RANGAP1: variants seen among roughly 807,000 people sequenced by gnomAD.
RANGAP1 encodes ran GTPase-activating protein 1.
A neutral mutation model predicts 63.5 loss-of-function variants in RANGAP1; 38 were observed. The observed-to-expected ratio is 0.60, with a 90% CI of 0.46 to 0.78. RANGAP1 has a LOEUF of 0.78. Ranked by LOEUF, RANGAP1 falls within the 30% of genes least tolerant of loss-of-function variation. RANGAP1 has a pLI of 0.00. For missense variants in RANGAP1, 630 were observed against 740.3 expected (o/e 0.85, Z 1.73); for synonymous variants, 329 against 310.5 (o/e 1.06, Z -0.63).
intron 2 of RANGAP1, chr22:41,277,614 C>T (rs745639699): frequency 2.8e-5 from 19 of 674,144 alleles, no homozygotes; most frequent in Non-Finnish European, 3.5e-5. Context: ...GACTTATAAC[C>T]TAGCAGGGGC....
At chr22:41,261,896 G>A (rs750393722) in intron 5 of RANGAP1, among the ~76,000 whole-genome samples, 3 of 152,204 alleles carry the variant, frequency 2.0e-5, no homozygotes, top group Non-Finnish European at 2.9e-5. Context: ...TCCAGGGGAA[G>A]GACTTCCTAG....
upstream of RANGAP1, among the ~76,000 whole-genome samples, chr22:41,290,895 C>T (rs969493357): frequency 1.3e-5 from 2 of 152,166 alleles, no homozygotes; most frequent in African/African-American, 2.4e-5. Flanking sequence ...AGGGAAATTC[C>T]CAACACCCAA....
chr22:41,281,422 A>G (rs1360614635), intron 1 of RANGAP1: 2 of 1,008,746 alleles, frequency 2.0e-6, no homozygotes, highest in East Asian at 2.1e-4. Context: ...TCAAGTCCCA[A>G]ACCAAAGGCT....
chr22:41,271,113 G>T (rs577082980), intron 3 of RANGAP1, among the ~76,000 whole-genome samples: 117 of 152,166 alleles, frequency 7.7e-4, no homozygotes, highest in African/African-American at 2.8e-3. Context: ...GCTTGGGTTG[G>T]GCACATTGGC....
chr22:41,251,184 G>A (rs2033421702), intron 12 of RANGAP1, 75 bp from the exon 13 acceptor site: 1 of 1,222,864 alleles, frequency 8.2e-7, no homozygotes, highest in South Asian at 1.3e-5. Flanking sequence ...CTAGCTAGGA[G>A]AGGCCTGGGC....
chr22:41,297,013 C>A, the RANGAP1 span, among the ~76,000 whole-genome samples: 1 of 152,140 alleles, frequency 6.6e-6, no homozygotes, highest in Non-Finnish European at 1.5e-5. Flanking sequence ...GAGTTCAAGG[C>A]CAACCTGGTA....
chr22:41,286,274 C>G (rs1190599670), upstream of RANGAP1: 1 of 152,290 alleles, frequency 6.6e-6, no homozygotes, highest in African/African-American at 2.4e-5. Context: ...GGCTTGCCCT[C>G]GCCCCGCTCG....
At chr22:41,251,249 C>T (rs1288378114) in intron 12 of RANGAP1, 140 bp from the exon 13 acceptor site, 6 of 620,590 alleles carry the variant, frequency 9.7e-6, no homozygotes, top group African/African-American at 1.8e-5. Flanking sequence ...CATGCTGTCC[C>T]TTCAGAGTCT....
the RANGAP1 span, chr22:41,301,389 G>C: frequency 7.2e-5 from 11 of 152,206 alleles, no homozygotes; most frequent in African/African-American, 2.7e-4. Flanking sequence ...AGCTTTCGAC[G>C]GGGAATGGGG....
At chr22:41,283,602 T>C (rs974515248) in intron 1 of RANGAP1, among the ~76,000 whole-genome samples, 2 of 152,092 alleles carry the variant, frequency 1.3e-5, no homozygotes, top group African/African-American at 4.8e-5. Flanking sequence ...ATATCAGGGA[T>C]TGGGCCATGC....
chr22:41,292,315 T>C, the RANGAP1 span, among the ~76,000 whole-genome samples: 1 of 151,862 alleles, frequency 6.6e-6, no homozygotes, highest in Non-Finnish European at 1.5e-5. Flanking sequence ...GCCTGGTTAA[T>C]TTTTGGTATT....
Position 41,256,113 on chromosome 22 carries a change from A to G in RANGAP1, c.989-8T>C. 1 of 1,614,032 alleles carries G rather than the reference A, an allele frequency of 6.2e-7. No individual in the cohort carries two copies. Among genetic ancestry groups the G allele is most frequent in the South Asian group, 1.1e-5 (1 of 91,078 alleles). The stretch of plus-strand genomic sequence containing the variant: ...CTTCTCCCAGGGTGTTGCCTGCTCA[A>G]GGGGAGGGAAGAGCAGTCAGCCGGG... On this transcript the variant is annotated splice_polypyrimidine_tract_variant and splice_region_variant and intron_variant, in intron 9 of 15. Coordinates refer to ENST00000356244, the MANE Select transcript of RANGAP1 (RefSeq NM_002883.4).
intron 4 of RANGAP1, among the ~76,000 whole-genome samples, chr22:41,266,217 G>T (rs1381622372): frequency 1.5e-5 from 2 of 137,078 alleles, no homozygotes; most frequent in Non-Finnish European, 3.2e-5. Context: ...AAAAAAAAAA[G>T]CCTAGCCCCT....
At chr22:41,247,124 C>G (rs980187310) in intron 15 of RANGAP1, among the ~76,000 whole-genome samples, 1 of 151,544 alleles carries the variant, frequency 6.6e-6, no homozygotes, top group African/African-American at 2.4e-5. Context: ...GGTGCGATCT[C>G]GGCTCACTGC....
intron 15 of RANGAP1, among the ~76,000 whole-genome samples, chr22:41,248,416 C>T (rs549941954): frequency 6.6e-6 from 1 of 152,326 alleles, no homozygotes; most frequent in Non-Finnish European, 1.5e-5. Flanking sequence ...TGCCGCGGCA[C>T]CAGCTGGGTG....
chr22:41,274,699 G>A lies in RANGAP1; in HGVS notation c.141C>T (p.Asp47=), dbSNP rs766316547. The change falls in exon 3 of 16, where the codon GAC becomes GAT. Residue 47 remains aspartate (D), a synonymous_variant. Coordinates refer to ENST00000356244, the MANE Select transcript of RANGAP1 (RefSeq NM_002883.4). ...GACGCAGAGCCTCCAAGCTGTCAAA[G>A]TCTTCAATCTCTTTAATCACATCTT... is the stretch of plus-strand genomic sequence containing the variant. ...DAKDVIKEIE[D]FDSLEALRLE... The A allele has an allele frequency of 4.3e-6, 7 of 1,614,068 alleles. No homozygotes were observed. Among genetic ancestry groups the A allele is most frequent in the Non-Finnish European group, 5.9e-6 (7 of 1,180,030 alleles).
At chr22:41,262,931 T>C (rs2034256793) in intron 5 of RANGAP1, among the ~76,000 whole-genome samples, 1 of 152,072 alleles carries the variant, frequency 6.6e-6, no homozygotes, top group Non-Finnish European at 1.5e-5. Context: ...CTAAACACAC[T>C]GCCCAGAAGA....
intron 2 of RANGAP1, among the ~76,000 whole-genome samples, chr22:41,277,220 G>A (rs2035205408): frequency 6.6e-6 from 1 of 150,468 alleles, no homozygotes; most frequent in Non-Finnish European, 1.5e-5. Context: ...TGGGACTACA[G>A]GCGCCCGCCA....
intron 4 of RANGAP1, among the ~76,000 whole-genome samples, chr22:41,267,202 A>G (rs1342176099): frequency 1.3e-5 from 2 of 152,062 alleles, no homozygotes; most frequent in African/African-American, 4.8e-5. Context: ...CTTAACCTAC[A>G]TTCCAAATCC....
Sources: gnomAD v4.1 joint callset for allele counts (sites outside exome capture counted in the v4.1 genomes callset) on GRCh38, gnomAD v4.1.1 for gene constraint, MANE v1.5 for transcripts, NCBI Gene and HGNC (gene_info 2026-07-23, HGNC 2026-07-21) for gene names.